Variants in SLC38A2 observed in about 807,000 individuals in gnomAD.
SLC38A2 encodes solute carrier family 38 member 2.
Under a neutral mutation model 61.5 loss-of-function variants are expected in SLC38A2, and 11 were observed. The ratio of observed to expected loss-of-function variants is 0.18; its 90% CI spans 0.11 to 0.30. The LOEUF is 0.30. SLC38A2 is among the 10% of genes least tolerant of loss of function. SLC38A2 has a pLI of 1.00. For missense variants in SLC38A2, 522 were observed against 600.4 expected (o/e 0.87, Z 1.36); for synonymous variants, 217 against 212.5 (o/e 1.02, Z -0.18).
At chr12:46,365,063 G>T in intron 8 of SLC38A2, 44 bp downstream of exon 8, 3 of 1,498,210 alleles carry the variant, frequency 2.0e-6, no homozygotes, top group South Asian at 1.1e-5. Flanking sequence ...CAACTAACTG[G>T]TGAGAGGCTC....
intron 1 of SLC38A2, chr12:46,371,652 C>T (rs971205296): frequency 2.9e-5 from 7 of 241,730 alleles, no homozygotes; most frequent in Middle Eastern, 1.4e-3. Context: ...TGTCCCTCGT[C>T]GGAGTGGAGG....
chr12:46,365,967 C>T (rs556008079), intron 7 of SLC38A2, among the ~76,000 whole-genome samples: 1 of 152,274 alleles, frequency 6.6e-6, no homozygotes, highest in East Asian at 1.9e-4. Flanking sequence ...CTGCAGAACA[C>T]CAACACTTAA....
rs1329462824 is a variant in SLC38A2, at chr12:46,370,984, T to C, written c.117-127A>G. On this transcript the variant is annotated intron_variant, in intron 2 of 15. Coordinates refer to ENST00000256689, the MANE Select transcript of SLC38A2 (RefSeq NM_018976.5). Reference sequence around the variant, plus strand: ...TGATACAACATCTTTACTTAATGTATAAATATTAACTAGGAGTTGACTTTC... The same window carrying C: ...TGATACAACATCTTTACTTAATGTACAAATATTAACTAGGAGTTGACTTTC... 1.1e-5 allele frequency: 9 copies of C among 852,728 alleles called. No individual in the cohort carries two copies. The East Asian group carries it at 2.4e-4, about 23-fold the overall frequency. 52.8% of individuals were successfully genotyped at this position (852,728 alleles called of 1,614,324 possible).
chr12:46,360,506 T>C lies in SLC38A2; in HGVS notation c.*605A>G, dbSNP rs905330060. ...TTTGGGTAAAAAAGTATTTGGCTTA[T>C]TATGCCTACAAAAAGGCAAACCATT... is the stretch of plus-strand genomic sequence containing the variant. On this transcript the variant is annotated 3_prime_UTR_variant, in exon 16 of 16. Coordinates refer to ENST00000256689, the MANE Select transcript of SLC38A2 (RefSeq NM_018976.5). 3 of 152,208 alleles carry C rather than the reference T, an allele frequency of 2.0e-5. No homozygotes were observed. Among genetic ancestry groups the C allele is most frequent in the Admixed American group, 2.0e-4 (3 of 15,270 alleles). The allele number at this position is 152,208 out of a possible 1,614,324, so 9.4% of individuals were successfully genotyped here. A position where few individuals can be genotyped will look rare whatever the true frequency, so the allele number is the denominator to read the frequency against.
At chr12:46,371,112 CCTAGGTAA>C (rs1943191981) in intron 2 of SLC38A2, 58 bp downstream of exon 2, 1 of 1,291,394 alleles carries the variant, frequency 7.7e-7, no homozygotes, top group African/African-American at 1.5e-5. Flanking sequence ...GAAGCAGAGT[CCTAGGTAA>C]CTCCCTGAAC....
chr12:46,362,837 TG>T, intron 13 of SLC38A2, 183 bp downstream of exon 13: 2 of 954,762 alleles, frequency 2.1e-6, no homozygotes, highest in South Asian at 3.7e-5. Context: ...TATCTTATGG[TG>T]AAAAAAATGT....
chr12:46,359,919 A>AG lies in SLC38A2; in HGVS notation c.*1191_*1192insC, dbSNP rs1429358251. On this transcript the variant is annotated 3_prime_UTR_variant, in exon 16 of 16. Coordinates refer to ENST00000256689, the MANE Select transcript of SLC38A2 (RefSeq NM_018976.5). ...CATGAGAAACCCAGTGGCCTACGCA[A>AG]AGAGAACTTATATCATATCAAACAT... is the stretch of plus-strand genomic sequence containing the variant. 6.6e-6 allele frequency: 1 copy of AG among 152,670 alleles called. No individual in the cohort carries two copies. 9.5% of individuals were successfully genotyped at this position (152,670 alleles called of 1,614,324 possible). A position where few individuals can be genotyped will look rare whatever the true frequency, so the allele number is the denominator to read the frequency against.
chr12:46,361,492 A>G (rs1038820072), intron 15 of SLC38A2, among the ~76,000 whole-genome samples: 2 of 152,078 alleles, frequency 1.3e-5, no homozygotes, highest in African/African-American at 4.8e-5. Context: ...ATAGAACTGG[A>G]CTGGATTTTT....
chr12:46,362,887 A>C, intron 13 of SLC38A2, 134 bp downstream of exon 13: 1 of 1,159,254 alleles, frequency 8.6e-7, no homozygotes, highest in Non-Finnish European at 1.2e-6. Flanking sequence ...TATTTTTAAA[A>C]AGCCCCTTCA....
chr12:46,364,841 T>C, intron 8 of SLC38A2, 139 bp from the exon 9 acceptor site: 2 of 740,644 alleles, frequency 2.7e-6, no homozygotes, highest in Non-Finnish European at 4.4e-6. Flanking sequence ...AATTTCTAAT[T>C]CTTATGATAC....
In SLC38A2 at chr12:46,363,818, C is replaced by T. The variant is rs201271296; in HGVS notation, c.962G>A (p.Arg321His). The T allele has an allele frequency of 2.7e-5, 43 of 1,590,852 alleles. No individual in the cohort carries two copies. The highest frequency in any genetic ancestry group is 6.9e-5 in the South Asian group (6 of 86,624). Residue 321 changes from arginine to histidine, a missense_variant, in exon 12 of 16, where the codon CGT (arginine) becomes CAT (histidine). Arg to His is a conservative substitution (Grantham distance 29). Transcript: ENST00000256689. The part of the protein sequence containing the change: ...PIYEELKDRS[R>H]RRMMNVSKIS... Reference sequence around the variant, plus strand: ...CTTGGACACATTCATCATTCTTCTACGGCTGCGGCTATGTAATTCAAGAGA... The same window carrying T: ...CTTGGACACATTCATCATTCTTCTATGGCTGCGGCTATGTAATTCAAGAGA...
chr12:46,370,365 G>A, intron 4 of SLC38A2, 147 bp downstream of exon 4: 1 of 633,292 alleles, frequency 1.6e-6, no homozygotes, highest in Non-Finnish European at 2.8e-6. Context: ...AGAATAAAGA[G>A]ATTTTTTGGG....
intron 1 of SLC38A2, 27 bp from the exon 2 acceptor site, chr12:46,371,406 G>A (rs891483169): frequency 7.5e-6 from 6 of 799,578 alleles, no homozygotes; most frequent in African/African-American, 5.3e-5. Context: ...GGCGCGTCAG[G>A]ACCGCAGCGC....
At chr12:46,370,676 A>G in intron 3 of SLC38A2, 49 bp from the exon 4 acceptor site, 1 of 1,566,140 alleles carries the variant, frequency 6.4e-7, no homozygotes, top group Non-Finnish European at 8.8e-7. Context: ...AATTAAATGG[A>G]GAAAACCAGC....
rs561502620 is a variant in SLC38A2 at position 46,372,497 on chromosome 12, C to G, written c.-87+12G>C. The stretch of plus-strand genomic sequence containing the variant: ...CGCGCCCTTCCCACAGACGCCCCCC[C>G]GCACGCGTTACCTCGGTGGTCTCTA... On this transcript the variant is annotated intron_variant, in intron 1 of 15. Transcript: ENST00000256689. 121 of 388,972 alleles carry G rather than the reference C, an allele frequency of 3.1e-4. No homozygotes were observed. The highest frequency in any genetic ancestry group is 6.7e-4 in the Admixed American group (15 of 22,372). 24.1% of individuals were successfully genotyped at this position (388,972 alleles called of 1,614,324 possible).
At position 46,360,364 on chromosome 12, in the gene SLC38A2, T is replaced by G. The variant is rs1188348461; in HGVS notation, c.*747A>C. The stretch of plus-strand genomic sequence containing the variant: ...AGAAAAGTGATGAACAGAGTTCATC[T>G]GATTTGGTATAGCAATAATCAATCA... On this transcript the variant is annotated 3_prime_UTR_variant, in exon 16 of 16. Coordinates refer to ENST00000256689, the MANE Select transcript of SLC38A2 (RefSeq NM_018976.5). 3 of 152,320 alleles carry G rather than the reference T, an allele frequency of 2.0e-5. No individual in the cohort carries two copies. The highest frequency in any genetic ancestry group is 1.9e-4 in the East Asian group (1 of 5,206). 9.4% of individuals were successfully genotyped at this position (152,320 alleles called of 1,614,324 possible).
chr12:46,369,412 A>G (rs1294210266), intron 4 of SLC38A2, among the ~76,000 whole-genome samples: 2 of 152,240 alleles, frequency 1.3e-5, no homozygotes, highest in African/African-American at 2.4e-5. Context: ...AATTTCACAA[A>G]GCAGAGATTT....
chr12:46,365,334 G>C (rs920696132), intron 7 of SLC38A2, 145 bp from the exon 8 acceptor site: 1 of 697,314 alleles, frequency 1.4e-6, no homozygotes, highest in Non-Finnish European at 2.5e-6. Context: ...CCCTGTTCAA[G>C]ATAGGAATAA....
intron 13 of SLC38A2, 177 bp downstream of exon 13, chr12:46,362,844 A>C (rs1943097976): frequency 1.0e-6 from 1 of 980,792 alleles, no homozygotes; most frequent in Non-Finnish European, 1.4e-6. Flanking sequence ...TGGTGAAAAA[A>C]ATGTCCCCAG....
Sources: gnomAD v4.1 joint callset for allele counts (sites outside exome capture counted in the v4.1 genomes callset) on GRCh38, gnomAD v4.1.1 for gene constraint, MANE v1.5 for transcripts, NCBI Gene and HGNC (gene_info 2026-07-23, HGNC 2026-07-21) for gene names.